Variants in LVRN observed in about 807,000 individuals in gnomAD.
LVRN encodes laeverin.
Under a neutral mutation model 111.4 loss-of-function variants are expected in LVRN, and 99 were observed. The ratio of observed to expected loss-of-function variants is 0.89; its 90% CI spans 0.76 to 1.05. The LOEUF (loss-of-function observed/expected upper bound fraction) is 1.05, where lower values mean the gene tolerates loss of function less well. Among genes scored for constraint, LVRN ranks in the 50% least tolerant of loss-of-function variants. LVRN has a pLI of 0.00. For missense variants in LVRN, 1,414 were observed against 1,206.8 expected (o/e 1.17, Z -2.54); for synonymous variants, 488 against 449.5 (o/e 1.09, Z -1.08).
chr5:115,992,503 G>A (rs1367908937), intron 5 of LVRN, among the ~76,000 whole-genome samples: 2 of 152,126 alleles, frequency 1.3e-5, no homozygotes, highest in African/African-American at 4.8e-5. Context: ...GCTGAGGGCT[G>A]GGTATTTACA....
At chr5:116,023,885 A>G (rs1490233548) in intron 19 of LVRN, among the ~76,000 whole-genome samples, 1 of 152,226 alleles carries the variant, frequency 6.6e-6, no homozygotes, top group African/African-American at 2.4e-5. Flanking sequence ...TGTTAACTGG[A>G]AACCATCTAA....
At chr5:116,016,950 T>C (rs1033083006) in intron 18 of LVRN, among the ~76,000 whole-genome samples, 1 of 152,244 alleles carries the variant, frequency 6.6e-6, no homozygotes, top group East Asian at 1.9e-4. Context: ...AGATTCTTTC[T>C]AGTAATAAAA....
Position 116,022,596 on chromosome 5 carries a change from A to G in LVRN, c.2832+130A>G, listed in dbSNP as rs566416509. ...CATTCTATGCTTCTATTGGTGCTGT[A>G]TCACTGTGAAAGAAGTGTTTTTAAT... On this transcript the variant is annotated intron_variant, in intron 19 of 19. Coordinates refer to ENST00000357872, the MANE Select transcript of LVRN (RefSeq NM_173800.5). The G allele has an allele frequency of 3.6e-5, 23 of 646,090 alleles. No individual in the cohort carries two copies. The South Asian group carries it at 3.9e-4, about 11-fold the overall frequency. The allele number at this position is 646,090 out of a possible 1,614,324, so 40.0% of individuals were successfully genotyped here. A position where few individuals can be genotyped will look rare whatever the true frequency, so the allele number is the denominator to read the frequency against.
chr5:116,012,936 AAGTT>A (rs777833285), intron 15 of LVRN, among the ~76,000 whole-genome samples: 2 of 152,158 alleles, frequency 1.3e-5, no homozygotes, highest in Non-Finnish European at 2.9e-5. Flanking sequence ...CTGTGAGCAC[AAGTT>A]AGTTTCACAA....
chr5:115,995,946 TCG>T (rs1491241872), intron 6 of LVRN, among the ~76,000 whole-genome samples: 1 of 22,436 alleles, frequency 4.5e-5, no homozygotes, highest in Non-Finnish European at 8.2e-5. Flanking sequence ...AAGAAGCTAA[TCG>T]TGTGTGTGTG....
At position 116,000,498 on chromosome 5, in the gene LVRN, G is replaced by T; in HGVS notation, c.1581G>T (p.Lys527Asn). Reference protein sequence around the residue: ...LNEHLFVSALKSYLKTFSYSN... With the variant: ...LNEHLFVSALNSYLKTFSYSN... ...AGCATTTATTTGTCAGTGCACTCAAGGTGAGTTTGCAAAATAGTCGTTACC... is the reference window on the plus strand; with the variant it reads ...AGCATTTATTTGTCAGTGCACTCAATGTGAGTTTGCAAAATAGTCGTTACC... Residue 527 changes from lysine (K) to asparagine (N), a missense_variant and splice_region_variant, in exon 8 of 20, where the codon AAG becomes AAT. By Grantham distance (94) the Lys-to-Asn change is moderately conservative. Coordinates refer to ENST00000357872, the MANE Select transcript of LVRN (RefSeq NM_173800.5). The T allele has an allele frequency of 6.2e-7, 1 of 1,614,106 alleles. No individual in the cohort carries two copies. The highest frequency in any genetic ancestry group is 8.5e-7 in the Non-Finnish European group (1 of 1,179,958).
At chr5:115,999,193 A>G (rs1316691660) in intron 6 of LVRN, among the ~76,000 whole-genome samples, 1 of 152,202 alleles carries the variant, frequency 6.6e-6, no homozygotes, top group Non-Finnish European at 1.5e-5. Context: ...TGTCTGAGAG[A>G]GAGCTAGTCT....
At position 116,010,765 on chromosome 5, in the gene LVRN, A is replaced by G; in HGVS notation, c.2118A>G (p.Thr706=). 1.2e-6 allele frequency: 2 copies of G among 1,602,328 alleles called. No individual in the cohort carries two copies. The highest frequency in any genetic ancestry group is 1.7e-6 in the Non-Finnish European group (2 of 1,175,858). Residue 706 remains threonine, a synonymous_variant, in exon 14 of 20, where the codon ACA becomes ACG. Transcript: ENST00000357872. ...LSKNNYIEIE[T]ALELTKYLAE... is the part of the protein sequence containing the mutation. Reference sequence around the variant, plus strand: ...GAAACAATTATATTGAGATTGAAACAGCACTTGAGTTAACCAAGTACCTTG... The same window carrying G: ...GAAACAATTATATTGAGATTGAAACGGCACTTGAGTTAACCAAGTACCTTG...
At chr5:115,968,903 AGTG>A (rs1753260393) in intron 1 of LVRN, among the ~76,000 whole-genome samples, 1 of 152,178 alleles carries the variant, frequency 6.6e-6, no homozygotes, top group Non-Finnish European at 1.5e-5. Context: ...GTAGAGTGTG[AGTG>A]GTTATCCAAG....
chr5:115,989,767 A>T (rs1339863523), intron 4 of LVRN, among the ~76,000 whole-genome samples: 3 of 152,170 alleles, frequency 2.0e-5, no homozygotes, highest in Admixed American at 6.6e-5. Context: ...ATGTTACCCT[A>T]TGAGCGCCCA....
At chr5:115,969,390 T>A (rs1453258598) in intron 1 of LVRN, among the ~76,000 whole-genome samples, 2 of 152,222 alleles carry the variant, frequency 1.3e-5, no homozygotes, top group African/African-American at 2.4e-5. Context: ...ATGTTTTCTC[T>A]GTGTGTTTCA....
chr5:115,984,948 G>A (rs927754522), intron 3 of LVRN, among the ~76,000 whole-genome samples: 1 of 152,174 alleles, frequency 6.6e-6, no homozygotes. Context: ...ATCAAGGCAA[G>A]GTCTGTGCCC....
chr5:116,015,105 G>A (rs796899491), intron 16 of LVRN, 147 bp from the exon 17 acceptor site: 71 of 537,542 alleles, frequency 1.3e-4, no homozygotes, highest in African/African-American at 1.2e-3. Flanking sequence ...GCTAATGACA[G>A]TTCTGATAAT....
intron 13 of LVRN, among the ~76,000 whole-genome samples, chr5:116,008,207 G>A (rs1200679811): frequency 2.0e-5 from 3 of 152,118 alleles, no homozygotes; most frequent in Non-Finnish European, 4.4e-5. Context: ...AGCCAGGTGT[G>A]GTGGTGGGCA....
At chr5:115,992,298 T>C in intron 5 of LVRN, 21 bp downstream of exon 5, 1 of 1,613,124 alleles carries the variant, frequency 6.2e-7, no homozygotes, top group Non-Finnish European at 8.5e-7. Flanking sequence ...AAATGTTCTT[T>C]TTATTTCACT....
intron 1 of LVRN, among the ~76,000 whole-genome samples, chr5:115,965,937 T>C (rs887386171): frequency 1.2e-4 from 19 of 152,222 alleles, no homozygotes; most frequent in African/African-American, 4.6e-4. Flanking sequence ...TACGGACTAA[T>C]ATGGTATCTC....
At chr5:116,013,570 A>G (rs756174468) in intron 15 of LVRN, among the ~76,000 whole-genome samples, 1 of 152,074 alleles carries the variant, frequency 6.6e-6, no homozygotes, top group African/African-American at 2.4e-5. Flanking sequence ...GGGGGTGAGT[A>G]GAGTATGTAA....
chr5:116,001,456 G>C (rs12657180), intron 10 of LVRN, among the ~76,000 whole-genome samples: 1 of 152,306 alleles, frequency 6.6e-6, no homozygotes, highest in African/African-American at 2.4e-5. Flanking sequence ...CTGGGATTTA[G>C]GGTTACATCA....
intron 3 of LVRN, among the ~76,000 whole-genome samples, chr5:115,987,125 G>A (rs10519435): frequency 0.26 from 40,037 of 151,640 alleles, 5,558 homozygotes; most frequent in Non-Finnish European, 0.29. Context: ...ACACAAATAA[G>A]CTCCAATTAC....
Sources: allele counts gnomAD v4.1 joint callset (sites outside exome capture counted in the v4.1 genomes callset), GRCh38; gene constraint gnomAD v4.1.1; transcripts MANE v1.5; gene names NCBI Gene and HGNC (gene_info 2026-07-23, HGNC 2026-07-21).